The following CCDC30 variants were observed in gnomAD, a reference collection of about 807,000 sequenced individuals.
CCDC30 encodes coiled-coil domain-containing protein 30.
Under a neutral mutation model 100.2 loss-of-function variants are expected in CCDC30, and 70 were observed. The ratio of observed to expected loss-of-function variants is 0.70; its 90% CI spans 0.58 to 0.85. The LOEUF (loss-of-function observed/expected upper bound fraction) is 0.85. CCDC30 is among the 40% of genes least tolerant of loss of function. CCDC30 has a pLI of 0.00. For missense variants in CCDC30, 652 were observed against 771.2 expected (o/e 0.85, Z 1.83); for synonymous variants, 233 against 269.5 (o/e 0.86, Z 1.33).
chr1:42,553,348 CCTT>C (rs1352139984), intron 6 of CCDC30, among the ~76,000 whole-genome samples: 2 of 149,184 alleles, frequency 1.3e-5, no homozygotes, highest in Admixed American at 6.8e-5. Context: ...AGCTGGTCTG[CCTT>C]CTTCTTTCCA....
chr1:42,533,999 C>T (rs1644850071), intron 6 of CCDC30: 1 of 152,136 alleles, frequency 6.6e-6, no homozygotes. Context: ...TATCCTATTG[C>T]TCATCTCTCA....
chr1:42,479,101 C>T (rs72659917), intron 1 of CCDC30, among the ~76,000 whole-genome samples: 21,053 of 152,134 alleles, frequency 0.14, 1,596 homozygotes, highest in East Asian at 0.18. Flanking sequence ...TTGGGCTGGA[C>T]GCGATGTTTC....
At chr1:42,495,154 C>T (rs75362372) in intron 4 of CCDC30, among the ~76,000 whole-genome samples, 426 of 132,350 alleles carry the variant, frequency 3.2e-3, no homozygotes, top group Admixed American at 4.1e-3. Flanking sequence ...GGCACATGTA[C>T]ACCATGGAAT....
intron 10 of CCDC30, among the ~76,000 whole-genome samples, chr1:42,600,286 A>C (rs1570203400): frequency 6.6e-6 from 1 of 152,208 alleles, no homozygotes; most frequent in Non-Finnish European, 1.5e-5. Context: ...AAAGAATGTC[A>C]AAATATGTGA....
intron 6 of CCDC30, among the ~76,000 whole-genome samples, chr1:42,556,931 CGACA>C (rs1439118233): frequency 1.3e-5 from 2 of 152,100 alleles, no homozygotes; most frequent in Non-Finnish European, 2.9e-5. Context: ...GAGGAAAATA[CGACA>C]GACATTTTAT....
chr1:42,514,718 A>G (rs182036758), intron 6 of CCDC30, among the ~76,000 whole-genome samples: 232 of 152,262 alleles, frequency 1.5e-3, no homozygotes, highest in Middle Eastern at 3.4e-3. Flanking sequence ...CAATGGCGAG[A>G]TCTCAGCTCA....
At chr1:42,507,736 A>ATAGT (rs150014253) in intron 6 of CCDC30, among the ~76,000 whole-genome samples, 20,665 of 152,152 alleles carry the variant, frequency 0.14, 1,531 homozygotes, top group East Asian at 0.18. Context: ...TTTTTCCAGC[A>ATAGT]TAGTTAGGGG....
intron 4 of CCDC30, among the ~76,000 whole-genome samples, chr1:42,490,832 C>T (rs2148466224): frequency 6.6e-6 from 1 of 152,260 alleles, no homozygotes; most frequent in East Asian, 1.9e-4. Flanking sequence ...ACTCCCAAAC[C>T]TGTGATCAAT....
chr1:42,644,612 G>A, intron 13 of CCDC30, 81 bp from the exon 18 acceptor site: 5 of 799,380 alleles, frequency 6.3e-6, no homozygotes, highest in Non-Finnish European at 1.1e-5. Flanking sequence ...TCCGGGGCCA[G>A]TGGGAAGTGG....
chr1:42,483,853 G>T lies in CCDC30; in HGVS notation c.169+1037G>T, dbSNP rs184038368. On this transcript the variant is annotated intron_variant, in intron 3 of 16. Transcript: ENST00000668663. ...AAGTGAATTATTCTTTATGCTTTCT[G>T]AGTTTTCATGTTTAAAGCCTTTTCT... is the stretch of plus-strand genomic sequence containing the variant. Among the ~76,000 whole-genome samples the T allele has an allele frequency of 6.4e-4, 97 of 152,076 alleles. 2 individuals are homozygous for T. Among genetic ancestry groups the T allele is most frequent in the Middle Eastern group, 3.4e-3 (1 of 294 alleles).
chr1:42,556,286 C>G, intron 6 of CCDC30: 1 of 1,613,980 alleles, frequency 6.2e-7, no homozygotes, highest in South Asian at 1.1e-5. Context: ...AGAAAAAGAA[C>G]AGCAGTTAAC....
intron 9 of CCDC30, among the ~76,000 whole-genome samples, chr1:42,586,899 T>C (rs1161682981): frequency 6.6e-6 from 1 of 152,234 alleles, no homozygotes; most frequent in Non-Finnish European, 1.5e-5. Flanking sequence ...TTTTATTCAT[T>C]GGCAGACCTG....
intron 6 of CCDC30, 59 bp downstream of exon 7, chr1:42,536,660 G>T: frequency 7.9e-7 from 1 of 1,261,766 alleles, no homozygotes; most frequent in East Asian, 2.3e-5. Context: ...GGGATTTCAT[G>T]TTATCATTTT....
At chr1:42,469,447 A>G (rs1643694902) in intron 1 of CCDC30, among the ~76,000 whole-genome samples, 1 of 152,230 alleles carries the variant, frequency 6.6e-6, no homozygotes, top group Admixed American at 6.5e-5. Flanking sequence ...GCCACAGTAT[A>G]GGAGTGTGGG....
intron 6 of CCDC30, among the ~76,000 whole-genome samples, chr1:42,506,880 G>A (rs866042114): frequency 4.6e-4 from 70 of 152,232 alleles, no homozygotes; most frequent in African/African-American, 1.4e-3. Context: ...TTACTATTAC[G>A]TGAAAATCCT....
chr1:42,616,840 C>T (rs149285285), intron 11 of CCDC30, among the ~76,000 whole-genome samples: 43 of 152,214 alleles, frequency 2.8e-4, no homozygotes, highest in Middle Eastern at 3.4e-3. Flanking sequence ...CTTTCCAAAC[C>T]GTGTGTAACA....
At chr1:42,653,399 T>C (rs1405877166) in exon 16 of CCDC30, 2 of 1,606,548 alleles carry the variant, frequency 1.2e-6, no homozygotes, top group Admixed American at 3.4e-5. Context: ...GTGACATCCT[T>C]GAATCCGAAG....
intron 11 of CCDC30, among the ~76,000 whole-genome samples, chr1:42,613,851 A>G (rs1368776276): frequency 1.3e-5 from 2 of 151,992 alleles, no homozygotes; most frequent in Non-Finnish European, 2.9e-5. Context: ...CCGACTTCCT[A>G]TCTCATCCTG....
At chr1:42,586,332 G>A (rs1394891533) in intron 9 of CCDC30, among the ~76,000 whole-genome samples, 1 of 152,056 alleles carries the variant, frequency 6.6e-6, no homozygotes, top group Non-Finnish European at 1.5e-5. Flanking sequence ...TAGAGTCAGG[G>A]ATCTTGCTCT....
Sources: gnomAD v4.1 joint callset for allele counts (sites outside exome capture counted in the v4.1 genomes callset) on GRCh38, gnomAD v4.1.1 for gene constraint, MANE v1.5 for transcripts, NCBI Gene and HGNC (gene_info 2026-07-23, HGNC 2026-07-21) for gene names.